The following PTPRD variants were observed in gnomAD, a reference collection of about 807,000 sequenced individuals.
PTPRD encodes protein tyrosine phosphatase receptor type D.
Under a neutral mutation model 214.5 loss-of-function variants are expected in PTPRD, and 34 were observed. The observed-to-expected ratio is 0.16, with a 90% CI of 0.12 to 0.21. The LOEUF (loss-of-function observed/expected upper bound fraction) is 0.21, where lower values mean the gene tolerates loss of function less well. Ranked by LOEUF, PTPRD falls within the 10% of genes least tolerant of loss-of-function variation. PTPRD has a pLI of 1.00. For synonymous variants in PTPRD, 1,128 were observed against 845.7 expected, an observed-to-expected ratio of 1.33 and a Z score of -5.79; for missense variants, 2,545 against 2,398.7, an observed-to-expected ratio of 1.06 and a Z score of -1.27.
intron 11 of PTPRD, among the ~76,000 whole-genome samples, chr9:8,763,747 G>C (rs1227937913): frequency 1.3e-5 from 2 of 150,418 alleles, no homozygotes; most frequent in Non-Finnish European, 3.0e-5. Flanking sequence ...TTTTCTAGAA[G>C]AGAATGATCA....
chr9:10,463,728 G>A (rs1235230585), intron 2 of PTPRD, among the ~76,000 whole-genome samples: 3 of 151,638 alleles, frequency 2.0e-5, no homozygotes, highest in African/African-American at 7.3e-5. Flanking sequence ...GACACTAACA[G>A]AGGAATAACT....
intron 6 of PTPRD, among the ~76,000 whole-genome samples, chr9:9,736,351 G>C (rs777635228): frequency 6.6e-6 from 1 of 151,826 alleles, no homozygotes; most frequent in Non-Finnish European, 1.5e-5. Context: ...CATTCATCTT[G>C]TTGCTCATAA....
At chr9:10,259,952 C>G (rs1015100815) in intron 3 of PTPRD, among the ~76,000 whole-genome samples, 1 of 152,192 alleles carries the variant, frequency 6.6e-6, no homozygotes, top group African/African-American at 2.4e-5. Context: ...TTCAACCACA[C>G]TCCCTTTCAC....
At chr9:10,268,768 C>T (rs1212769619) in intron 3 of PTPRD, among the ~76,000 whole-genome samples, 1 of 152,168 alleles carries the variant, frequency 6.6e-6, no homozygotes, top group African/African-American at 2.4e-5. Flanking sequence ...CAACGGCTAC[C>T]GTCTGTTTTA....
At chr9:8,980,999 G>C (rs1315351094) in intron 11 of PTPRD, among the ~76,000 whole-genome samples, 1 of 152,066 alleles carries the variant, frequency 6.6e-6, no homozygotes, top group East Asian at 1.9e-4. Flanking sequence ...CCTCCTAGGA[G>C]TTGAAGCTGA....
intron 8 of PTPRD, among the ~76,000 whole-genome samples, chr9:9,428,956 G>T (rs1019272353): frequency 6.6e-6 from 1 of 152,198 alleles, no homozygotes; most frequent in Non-Finnish European, 1.5e-5. Flanking sequence ...AAGCAGGAAA[G>T]ATCTAAAATT....
intron 11 of PTPRD, among the ~76,000 whole-genome samples, chr9:8,790,293 G>C (rs1012084650): frequency 6.6e-6 from 1 of 151,914 alleles, no homozygotes; most frequent in African/African-American, 2.4e-5. Flanking sequence ...TAAGATTACA[G>C]GTGTGAGCCG....
chr9:9,669,273 G>C (rs539182219), intron 7 of PTPRD, among the ~76,000 whole-genome samples: 1 of 152,112 alleles, frequency 6.6e-6, no homozygotes, highest in African/African-American at 2.4e-5. Flanking sequence ...CAGTTGGCGA[G>C]ATACACAAGG....
chr9:8,539,525 T>C (rs1208379171), intron 14 of PTPRD, among the ~76,000 whole-genome samples: 1 of 151,902 alleles, frequency 6.6e-6, no homozygotes, highest in Non-Finnish European at 1.5e-5. Flanking sequence ...ATAAAATATG[T>C]AAAGAAAAAT....
chr9:9,632,735 C>A (rs2095632317), intron 7 of PTPRD, among the ~76,000 whole-genome samples: 1 of 151,848 alleles, frequency 6.6e-6, no homozygotes, highest in Non-Finnish European at 1.5e-5. Flanking sequence ...CAACAGGATG[C>A]CTGACAAACT....
intron 11 of PTPRD, among the ~76,000 whole-genome samples, chr9:8,755,258 G>A (rs558790643): frequency 4.4e-4 from 67 of 151,450 alleles, no homozygotes; most frequent in Middle Eastern, 3.4e-3. Flanking sequence ...GGCCAGGTGC[G>A]GTGGCTCACG....
intron 2 of PTPRD, among the ~76,000 whole-genome samples, chr9:10,406,205 T>C (rs1262076394): frequency 6.6e-6 from 1 of 151,484 alleles, no homozygotes. Flanking sequence ...ATATTTGTTA[T>C]TTATATATGA....
rs373037823 is a variant in PTPRD at position 8,832,693 on chromosome 9, T to C, written c.-103-98747A>G. On this transcript the variant is annotated intron_variant, in intron 11 of 45. Transcript: ENST00000381196. Reference sequence around the variant, plus strand: ...GGATCACAAGACTTCACAAAGAGGATTATTTTAAATGTGAAATCTTTCAAC... The same window carrying C: ...GGATCACAAGACTTCACAAAGAGGACTATTTTAAATGTGAAATCTTTCAAC... Among the ~76,000 whole-genome samples the C allele has an allele frequency of 3.3e-5, 5 of 152,162 alleles. No homozygotes were observed. In the East Asian group the frequency reaches 9.7e-4, roughly 29 times the overall value.
chr9:8,763,128 G>A (rs145634313), intron 11 of PTPRD, among the ~76,000 whole-genome samples: 5 of 152,194 alleles, frequency 3.3e-5, no homozygotes, highest in Admixed American at 3.3e-4. Flanking sequence ...ATGGTTTCAA[G>A]CTACTGAAGA....
At chr9:9,008,113 T>A (rs1266192751) in intron 11 of PTPRD, among the ~76,000 whole-genome samples, 1 of 149,098 alleles carries the variant, frequency 6.7e-6, no homozygotes, top group Non-Finnish European at 1.5e-5. Context: ...TTCATGTTTT[T>A]AACTTTTAGG....
chr9:10,530,897 A>C (rs2056053325), intron 2 of PTPRD, among the ~76,000 whole-genome samples: 1 of 152,152 alleles, frequency 6.6e-6, no homozygotes, highest in Non-Finnish European at 1.5e-5. Flanking sequence ...TGCCCTATTA[A>C]ATCCACCATA....
intron 7 of PTPRD, among the ~76,000 whole-genome samples, chr9:9,662,545 A>G (rs544634447): frequency 4.5e-4 from 68 of 151,688 alleles, no homozygotes; most frequent in Non-Finnish European, 7.1e-4. Context: ...ATTTGAAGCA[A>G]TAGAGTTTTT....
chr9:8,618,866 TTGTGTGTGTGTGTG>T (rs371767469), intron 14 of PTPRD, among the ~76,000 whole-genome samples: 51 of 130,964 alleles, frequency 3.9e-4, no homozygotes, highest in African/African-American at 1.2e-3. Context: ...CCAGCTAATT[TTGTGTGTGTGTGTG>T]TGTGTGTGTG....
chr9:10,292,897 GT>G (rs2095570058), intron 3 of PTPRD, among the ~76,000 whole-genome samples: 1 of 151,658 alleles, frequency 6.6e-6, no homozygotes, highest in Admixed American at 6.6e-5. Context: ...TGTTACATTA[GT>G]TAGTAAGTTA....
Sources: allele counts gnomAD v4.1 joint callset (sites outside exome capture counted in the v4.1 genomes callset), GRCh38; gene constraint gnomAD v4.1.1; transcripts MANE v1.5; gene names NCBI Gene and HGNC (gene_info 2026-07-23, HGNC 2026-07-21).